GPHN: variants seen among roughly 807,000 people sequenced by gnomAD.
GPHN encodes the protein gephyrin.
Under a neutral mutation model 95.5 loss-of-function variants are expected in GPHN, and 17 were observed. The ratio of observed to expected loss-of-function variants is 0.18; its 90% CI spans 0.12 to 0.27. The LOEUF (loss-of-function observed/expected upper bound fraction) is 0.27, where lower values mean the gene tolerates loss of function less well. GPHN is among the 10% of genes least tolerant of loss of function. The pLI, the probability that GPHN is intolerant of heterozygous loss-of-function variation, is 1.00. For missense variants in GPHN, 660 were observed against 978.1 expected, an observed-to-expected ratio of 0.67 and a Z score of 4.34; for synonymous variants, 320 against 322.5, an observed-to-expected ratio of 0.99 and a Z score of 0.08.
chr14:66,721,677 A>G (rs1300833120), intron 2 of GPHN, among the ~76,000 whole-genome samples: 1 of 152,158 alleles, frequency 6.6e-6, no homozygotes, highest in East Asian at 1.9e-4. Flanking sequence ...TGGGCCGGGC[A>G]CAGTGCCTCA....
intron 3 of GPHN, among the ~76,000 whole-genome samples, chr14:66,823,987 TC>T (rs2061303627): frequency 6.6e-6 from 1 of 152,160 alleles, no homozygotes; most frequent in Non-Finnish European, 1.5e-5. Context: ...CAGATGGAGA[TC>T]CTAGTTTCAC....
the GPHN span, among the ~76,000 whole-genome samples, chr14:67,687,341 C>A: frequency 1.3e-5 from 2 of 152,200 alleles, no homozygotes; most frequent in Non-Finnish European, 2.9e-5. Context: ...CCAGTCTCAG[C>A]TCAGATCTTT....
intron 4 of GPHN, among the ~76,000 whole-genome samples, chr14:66,870,209 T>C (rs2063378722): frequency 6.6e-6 from 1 of 152,164 alleles, no homozygotes; most frequent in African/African-American, 2.4e-5. Context: ...AATACCCTAT[T>C]GAAAAGAACA....
intron 1 of GPHN, among the ~76,000 whole-genome samples, chr14:66,579,767 A>C (rs2061077889): frequency 6.6e-6 from 1 of 151,844 alleles, no homozygotes; most frequent in East Asian, 1.9e-4. Context: ...ATAGGACTTC[A>C]ATATTTCACA....
the GPHN span, among the ~76,000 whole-genome samples, chr14:67,272,263 C>T: frequency 6.6e-6 from 1 of 152,162 alleles, no homozygotes; most frequent in South Asian, 2.1e-4. Context: ...ACTACTCTCT[C>T]GACTATTTTA....
chr14:66,632,788 G>A (rs1384030419), intron 1 of GPHN, among the ~76,000 whole-genome samples: 2 of 151,998 alleles, frequency 1.3e-5, no homozygotes, highest in Non-Finnish European at 2.9e-5. Context: ...ACCGCACCCG[G>A]CCCCTTATAA....
At chr14:67,370,079 C>T in the GPHN span, among the ~76,000 whole-genome samples, 12 of 152,220 alleles carry the variant, frequency 7.9e-5, no homozygotes, top group Non-Finnish European at 1.0e-4. Context: ...AGGGATGGGC[C>T]GAATTAATTG....
At chr14:67,687,504 CTTG>C in the GPHN span, among the ~76,000 whole-genome samples, 1 of 116,548 alleles carries the variant, frequency 8.6e-6, no homozygotes, top group East Asian at 2.6e-4. Context: ...GAGTTTCACT[CTTG>C]TTTGCCCAGG....
At chr14:67,627,609 C>T in the GPHN span, among the ~76,000 whole-genome samples, 1 of 152,236 alleles carries the variant, frequency 6.6e-6, no homozygotes, top group Non-Finnish European at 1.5e-5. Flanking sequence ...TATGATCCAC[C>T]AAACCTTCTG....
At chr14:67,552,600 T>C in the GPHN span, among the ~76,000 whole-genome samples, 4 of 151,964 alleles carry the variant, frequency 2.6e-5, no homozygotes, top group Admixed American at 6.6e-5. Context: ...ACCCCGTCTC[T>C]TCTAAAAATA....
intron 9 of GPHN, among the ~76,000 whole-genome samples, chr14:67,000,627 TTCTA>T: frequency 6.6e-6 from 1 of 151,814 alleles, no homozygotes; most frequent in African/African-American, 2.4e-5. Context: ...AATCTTAGAA[TTCTA>T]TCTTTTGAAA....
intron 18 of GPHN, among the ~76,000 whole-genome samples, chr14:67,155,468 A>G (rs1044825686): frequency 8.5e-5 from 13 of 152,244 alleles, no homozygotes; most frequent in Non-Finnish European, 1.8e-4. Context: ...CCTAAAAATG[A>G]TGCTGATACT....
At chr14:66,753,296 T>TGA (rs2058439290) in intron 2 of GPHN, among the ~76,000 whole-genome samples, 1 of 152,146 alleles carries the variant, frequency 6.6e-6, no homozygotes, top group Admixed American at 6.6e-5. Context: ...AGGAGAAGGA[T>TGA]GAGAGATACA....
chr14:66,955,974 G>T (rs1004083050), intron 8 of GPHN, among the ~76,000 whole-genome samples: 1 of 152,148 alleles, frequency 6.6e-6, no homozygotes, highest in South Asian at 2.1e-4. Flanking sequence ...ATTTGGGTTG[G>T]TTCCAAGTCT....
chr14:66,932,612 C>G (rs1213239043), intron 8 of GPHN, among the ~76,000 whole-genome samples: 1 of 150,654 alleles, frequency 6.6e-6, no homozygotes, highest in African/African-American at 2.4e-5. Context: ...GTCCTCTTTA[C>G]TTTTCCTTCT....
intron 18 of GPHN, among the ~76,000 whole-genome samples, chr14:67,156,046 A>G (rs2081565233): frequency 6.6e-6 from 1 of 152,236 alleles, no homozygotes; most frequent in South Asian, 2.1e-4. Flanking sequence ...AGTAAAGACA[A>G]TTTCAGCCAA....
chr14:66,687,486 G>GTTTTT (rs1200775448), intron 2 of GPHN, among the ~76,000 whole-genome samples: 3 of 124,936 alleles, frequency 2.4e-5, no homozygotes, highest in Admixed American at 8.3e-5. Flanking sequence ...ATTTTATTTG[G>GTTTTT]TTTTTTTTTT....
At chr14:66,821,574 C>T (rs1245495271) in intron 3 of GPHN, among the ~76,000 whole-genome samples, 2 of 152,140 alleles carry the variant, frequency 1.3e-5, no homozygotes, top group East Asian at 3.8e-4. Context: ...TAAAAGTTTG[C>T]CCTGAAATAT....
intron 16 of GPHN, among the ~76,000 whole-genome samples, chr14:67,116,380 A>G (rs1424723089): frequency 1.3e-5 from 2 of 152,056 alleles, no homozygotes; most frequent in Non-Finnish European, 2.9e-5. Context: ...GAGAGAAAAG[A>G]AAAGAAACAA....
Sources: allele counts gnomAD v4.1 joint callset (sites outside exome capture counted in the v4.1 genomes callset), GRCh38; gene constraint gnomAD v4.1.1; transcripts MANE v1.5; gene names NCBI Gene and HGNC (gene_info 2026-07-23, HGNC 2026-07-21).